OTUD7B: variants seen among roughly 807,000 people sequenced by gnomAD.
OTUD7B encodes OTU domain-containing protein 7B.
A neutral mutation model predicts 82.2 loss-of-function variants in OTUD7B; 34 were observed. That is an observed-to-expected ratio of 0.41 (90% CI 0.31 to 0.55). OTUD7B has a LOEUF of 0.55. OTUD7B is among the 20% of genes least tolerant of loss of function. The pLI, the probability that OTUD7B is intolerant of heterozygous loss-of-function variation, is 0.20. For missense variants in OTUD7B, 944 were observed against 1,062.1 expected (o/e 0.89, Z 1.55); for synonymous variants, 398 against 402.7 (o/e 0.99, Z 0.14).
chr1:149,980,046 A>G lies in OTUD7B; in HGVS notation c.-66-2470T>C, dbSNP rs370314913. ...ACAGGTGCTCAGCAAAAAGGAAAAGAGTTGACTAAGCCATAGGCATACAGG... is the reference window on the plus strand; with the variant it reads ...ACAGGTGCTCAGCAAAAAGGAAAAGGGTTGACTAAGCCATAGGCATACAGG... On this transcript the variant is annotated intron_variant, in intron 1 of 11. Transcript: ENST00000581312. Among the ~76,000 whole-genome samples, 37 of 152,206 alleles carry G rather than the reference A, an allele frequency of 2.4e-4. No homozygotes were observed. In the South Asian group the frequency reaches 7.3e-3, roughly 30 times the overall value.
intron 1 of OTUD7B, among the ~76,000 whole-genome samples, chr1:149,979,601 T>G (rs1650573900): frequency 6.6e-6 from 1 of 152,228 alleles, no homozygotes; most frequent in African/African-American, 2.4e-5. Context: ...ATCATAATTA[T>G]CAGAAAGAAT....
At chr1:150,003,192 G>A (rs1404783297) in intron 1 of OTUD7B, among the ~76,000 whole-genome samples, 1 of 150,302 alleles carries the variant, frequency 6.7e-6, no homozygotes, top group Non-Finnish European at 1.5e-5. Context: ...GGAGCTTGCA[G>A]TGAGCTGAGA....
At chr1:149,949,107 C>T in intron 9 of OTUD7B, 24 bp from the exon 10 acceptor site, 2 of 1,374,566 alleles carry the variant, frequency 1.5e-6, no homozygotes, top group Non-Finnish European at 2.1e-6. Flanking sequence ...AACATATCAT[C>T]AAGGAATCTC....
At chr1:150,024,834 G>C in the OTUD7B span, among the ~76,000 whole-genome samples, 2 of 152,064 alleles carry the variant, frequency 1.3e-5, no homozygotes, top group African/African-American at 4.8e-5. Context: ...GATCTCTTGA[G>C]GTCAGGAGTT....
At chr1:150,034,835 T>C in the OTUD7B span, among the ~76,000 whole-genome samples, 1 of 152,084 alleles carries the variant, frequency 6.6e-6, no homozygotes, top group Non-Finnish European at 1.5e-5. Context: ...TATGTTTACT[T>C]ATGGGCCTTT....
chr1:149,968,220 T>A (rs1649651298), intron 3 of OTUD7B, among the ~76,000 whole-genome samples: 1 of 139,180 alleles, frequency 7.2e-6, no homozygotes, highest in Admixed American at 7.9e-5. Context: ...GCCAAGATTG[T>A]GCCACTGCAC....
At chr1:150,007,305 G>A (rs1456108278) in intron 1 of OTUD7B, among the ~76,000 whole-genome samples, 6 of 152,118 alleles carry the variant, frequency 3.9e-5, no homozygotes, top group South Asian at 2.1e-4. Context: ...AGGTCTGAAC[G>A]AAGACCCATC....
In OTUD7B at chr1:149,944,088, G is replaced by A. The variant is rs782574025; in HGVS notation, c.2301C>T (p.Pro767=). 16 of 1,614,138 alleles carry A rather than the reference G, an allele frequency of 9.9e-6. No individual in the cohort carries two copies. Among genetic ancestry groups the A allele is most frequent in the Non-Finnish European group, 1.4e-5 (16 of 1,180,006 alleles). ...TATAGGAATCAGCCACTCGGTAGGGGGGTGGTAACAAGGCACCCCTGTGAA... is the reference window on the plus strand; with the variant it reads ...TATAGGAATCAGCCACTCGGTAGGGAGGTGGTAACAAGGCACCCCTGTGAA... The part of the protein sequence containing the change: ...DGLHRGALLP[P]PYRVADSYSN... Residue 767 remains proline (P), a synonymous_variant, in exon 12 of 12, where the codon CCC becomes CCT. Transcript: ENST00000581312.
In OTUD7B at chr1:149,943,135, CAG is replaced by C. The variant is rs781919883; in HGVS notation, c.*720_*721del. On this transcript the variant is annotated 3_prime_UTR_variant, in exon 12 of 12. Coordinates refer to ENST00000581312, the MANE Select transcript of OTUD7B (RefSeq NM_020205.4). The stretch of plus-strand genomic sequence containing the variant: ...ATTAAAGACTTAGATGAGGAAAAGA[CAG>C]GGGGTAATCAGCAATCTCTTCTCAA... 3.0e-4 allele frequency: 46 copies of C among 152,688 alleles called. No individual in the cohort carries two copies. Among genetic ancestry groups the C allele is most frequent in the African/African-American group, 7.5e-4 (31 of 41,570 alleles). 9.5% of individuals were successfully genotyped at this position (152,688 alleles called of 1,614,324 possible).
At chr1:149,987,297 T>C (rs1651219688) in intron 1 of OTUD7B, among the ~76,000 whole-genome samples, 1 of 152,178 alleles carries the variant, frequency 6.6e-6, no homozygotes, top group Non-Finnish European at 1.5e-5. Flanking sequence ...ACACGGGCAG[T>C]CCACCATGTG....
In OTUD7B at chr1:149,949,034, A is replaced by G. The variant is rs1647981230; in HGVS notation, c.1173T>C (p.Phe391=). The change falls in exon 10 of 12, where the codon TTT becomes TTC. Residue 391 remains phenylalanine (F), a synonymous_variant. Transcript: ENST00000581312. The part of the protein sequence containing the change: ...DSEYKLLPLH[F]AVDPGKGWEW... ...CCCAGCCCTTTCCAGGGTCCACAGC[A>G]AAGTGCAAGGGCAGCAGCTTATACT... The G allele has an allele frequency of 1.9e-6, 3 of 1,614,150 alleles. No individual in the cohort carries two copies. Among genetic ancestry groups the G allele is most frequent in the African/African-American group, 1.3e-5 (1 of 75,068 alleles).
chr1:150,064,061 TTTC>T, the OTUD7B span, among the ~76,000 whole-genome samples: 1 of 152,222 alleles, frequency 6.6e-6, no homozygotes, highest in Non-Finnish European at 1.5e-5. Flanking sequence ...ATGTTTAAAT[TTTC>T]TTGTCAATGG....
At chr1:150,031,959 T>C in the OTUD7B span, among the ~76,000 whole-genome samples, 1 of 152,170 alleles carries the variant, frequency 6.6e-6, no homozygotes, top group Non-Finnish European at 1.5e-5. Context: ...ACACATACTT[T>C]AAAAAGTATT....
intron 1 of OTUD7B, among the ~76,000 whole-genome samples, chr1:149,992,885 T>C (rs1651687674): frequency 6.6e-6 from 1 of 151,716 alleles, no homozygotes; most frequent in African/African-American, 2.4e-5. Flanking sequence ...GCATGGTGGC[T>C]CACGCCTGTA....
At chr1:150,049,633 CTT>C in the OTUD7B span, among the ~76,000 whole-genome samples, 44 of 132,312 alleles carry the variant, frequency 3.3e-4, no homozygotes, top group African/African-American at 1.0e-3. Context: ...CTCTCTCTTT[CTT>C]TTTTTTTTTT....
At chr1:150,013,334 G>A (rs762978284), upstream of OTUD7B, among the ~76,000 whole-genome samples, 1 of 152,146 alleles carries the variant, frequency 6.6e-6, no homozygotes, top group Non-Finnish European at 1.5e-5. Context: ...CATTTCACCA[G>A]AGAAACTAAA....
At chr1:150,059,531 G>A in the OTUD7B span, among the ~76,000 whole-genome samples, 1 of 151,456 alleles carries the variant, frequency 6.6e-6, no homozygotes, top group Non-Finnish European at 1.5e-5. Context: ...CATCACACCC[G>A]GCTAATTTTG....
chr1:149,983,639 T>C (rs587649233), intron 1 of OTUD7B, among the ~76,000 whole-genome samples: 1 of 152,064 alleles, frequency 6.6e-6, no homozygotes, highest in South Asian at 2.1e-4. Flanking sequence ...AACATAAAGA[T>C]GAGAATGTTG....
At chr1:149,969,207 C>T (rs1649736290) in intron 3 of OTUD7B, among the ~76,000 whole-genome samples, 2 of 152,064 alleles carry the variant, frequency 1.3e-5, no homozygotes, top group South Asian at 2.1e-4. Flanking sequence ...CCCATGCTCC[C>T]AGCTACTTGG....
Sources: allele counts gnomAD v4.1 joint callset (sites outside exome capture counted in the v4.1 genomes callset), GRCh38; gene constraint gnomAD v4.1.1; transcripts MANE v1.5; gene names NCBI Gene and HGNC (gene_info 2026-07-23, HGNC 2026-07-21).